CNTN5: variants seen among roughly 807,000 people sequenced by gnomAD.
CNTN5 encodes the protein contactin 5.
Under a neutral mutation model 129.1 loss-of-function variants are expected in CNTN5, and 77 were observed. The observed-to-expected ratio is 0.60, with a 90% CI of 0.50 to 0.72. CNTN5 has a LOEUF of 0.72. Ranked by LOEUF, CNTN5 falls within the 30% of genes least tolerant of loss-of-function variation. The pLI, the probability that CNTN5 is intolerant of heterozygous loss-of-function variation, is 0.00. For synonymous variants in CNTN5, 509 were observed against 465.6 expected (o/e 1.09, Z -1.20); for missense variants, 1,478 against 1,328.8 (o/e 1.11, Z -1.75).
chr11:99,275,034 A>T (rs1863359746), intron 1 of CNTN5, among the ~76,000 whole-genome samples: 1 of 151,512 alleles, frequency 6.6e-6, no homozygotes, highest in African/African-American at 2.4e-5. Flanking sequence ...TATTTAAGAC[A>T]TAACTTGGAC....
In CNTN5 at chr11:99,091,021, C is replaced by CAAAAA. The variant is rs68113369; in HGVS notation, c.-210+69770_-210+69774dup. Among the ~76,000 whole-genome samples the CAAAAA allele has an allele frequency of 6.6e-3, 373 of 56,752 alleles. 35 individuals carry two copies. Among genetic ancestry groups the CAAAAA allele is most frequent in the African/African-American group, 0.014 (195 of 13,638 alleles). The allele number at this position is 56,752 out of a possible 152,430, so 37.2% of individuals were successfully genotyped here. A position where few individuals can be genotyped will look rare whatever the true frequency, so the allele number is the denominator to read the frequency against. On this transcript the variant is annotated intron_variant, in intron 1 of 24. Transcript: ENST00000524871. ...TGGGCGACAGAGCGAGACTCCGTCT[C>CAAAAA]AAAAAAAAAAAAAAAAAAAAAAAGC... is the stretch of plus-strand genomic sequence containing the variant.
chr11:99,055,085 C>G (rs1234062674), intron 1 of CNTN5, among the ~76,000 whole-genome samples: 5 of 152,026 alleles, frequency 3.3e-5, no homozygotes, highest in African/African-American at 1.2e-4. Context: ...GGCTAGGTCC[C>G]TAGAATTTCC....
chr11:99,673,741 C>T (rs754900374), intron 3 of CNTN5, among the ~76,000 whole-genome samples: 22 of 139,836 alleles, frequency 1.6e-4, no homozygotes, highest in Non-Finnish European at 2.8e-4. Context: ...ATAAAGGCTT[C>T]CAGCTCCACC....
In CNTN5 at chr11:100,308,291, C is replaced by A. The variant is rs117462464; in HGVS notation, c.2621-68C>A. 119 of 1,389,632 alleles carry A rather than the reference C, an allele frequency of 8.6e-5. No homozygotes were observed. In the East Asian group the frequency reaches 2.8e-3, roughly 32 times the overall value. 86.1% of individuals were successfully genotyped at this position (1,389,632 alleles called of 1,614,324 possible). A position where few individuals can be genotyped will look rare whatever the true frequency, so the allele number is the denominator to read the frequency against. Reference sequence around the variant, plus strand: ...AAGGTAAGAGGAATTTAACACCTGACAGACTCAGGCGCAATACTTTGATGG... The same window carrying A: ...AAGGTAAGAGGAATTTAACACCTGAAAGACTCAGGCGCAATACTTTGATGG... On this transcript the variant is annotated intron_variant, in intron 20 of 24. Coordinates refer to ENST00000524871, the MANE Select transcript of CNTN5 (RefSeq NM_014361.4).
intron 2 of CNTN5, among the ~76,000 whole-genome samples, chr11:99,363,291 C>A (rs1033117314): frequency 2.0e-5 from 3 of 151,994 alleles, no homozygotes; most frequent in African/African-American, 7.2e-5. Context: ...TTTTACAAGT[C>A]TTTTACTGCT....
At chr11:99,841,818 ATG>A (rs1410535918) in intron 4 of CNTN5, among the ~76,000 whole-genome samples, 10 of 143,576 alleles carry the variant, frequency 7.0e-5, no homozygotes, top group Non-Finnish European at 1.5e-5. Context: ...GTGTGTATAT[ATG>A]TGTGTATATA....
rs573710969 is a variant in CNTN5, at chr11:99,291,182, G to T, written c.-209-34164G>T. Among the ~76,000 whole-genome samples the T allele has an allele frequency of 1.1e-4, 16 of 151,986 alleles. No homozygotes were observed. In the South Asian group the frequency reaches 3.3e-3, roughly 31 times the overall value. ...TTTGTTAAAATGAAAACATTTTCTAGTGAGGCCATATTTGGATAAATACAC... is the reference window on the plus strand; with the variant it reads ...TTTGTTAAAATGAAAACATTTTCTATTGAGGCCATATTTGGATAAATACAC... On this transcript the variant is annotated intron_variant, in intron 1 of 24. Coordinates refer to ENST00000524871, the MANE Select transcript of CNTN5 (RefSeq NM_014361.4).
At chr11:99,987,881 C>T (rs1030947323) in intron 8 of CNTN5, among the ~76,000 whole-genome samples, 1 of 152,086 alleles carries the variant, frequency 6.6e-6, no homozygotes, top group Non-Finnish European at 1.5e-5. Context: ...TAGGGACTAT[C>T]GTATCTACCT....
At chr11:99,791,117 T>C (rs936713044) in intron 3 of CNTN5, among the ~76,000 whole-genome samples, 12 of 152,172 alleles carry the variant, frequency 7.9e-5, no homozygotes, top group Admixed American at 2.6e-4. Flanking sequence ...TGATAGTTTT[T>C]TTTTTTCCTG....
intron 13 of CNTN5, among the ~76,000 whole-genome samples, chr11:100,104,206 T>G (rs538680243): frequency 5.9e-5 from 9 of 151,504 alleles, no homozygotes; most frequent in African/African-American, 2.2e-4. Context: ...GCAATTCTCC[T>G]GCCTCAGCCT....
chr11:100,140,347 G>C (rs1946655613), intron 13 of CNTN5, among the ~76,000 whole-genome samples: 2 of 152,140 alleles, frequency 1.3e-5, no homozygotes, highest in Non-Finnish European at 2.9e-5. Flanking sequence ...TACCAAGTGA[G>C]TATGATAAAT....
At chr11:99,071,262 C>G (rs897100761) in intron 1 of CNTN5, among the ~76,000 whole-genome samples, 6 of 152,078 alleles carry the variant, frequency 3.9e-5, no homozygotes, top group Admixed American at 3.9e-4. Flanking sequence ...TGGCTCCAAA[C>G]AGAGGTTTTT....
chr11:99,249,919 A>T (rs543680152), intron 1 of CNTN5, among the ~76,000 whole-genome samples: 1 of 151,970 alleles, frequency 6.6e-6, no homozygotes, highest in African/African-American at 2.4e-5. Flanking sequence ...CACTACATTT[A>T]GATAGTTTAT....
chr11:99,722,121 C>A (rs1416988912), intron 3 of CNTN5, among the ~76,000 whole-genome samples: 1 of 152,114 alleles, frequency 6.6e-6, no homozygotes, highest in Non-Finnish European at 1.5e-5. Context: ...ATCCAGCAAT[C>A]CCATTACTGA....
chr11:99,534,340 A>G, intron 2 of CNTN5, among the ~76,000 whole-genome samples: 1 of 152,228 alleles, frequency 6.6e-6, no homozygotes. Flanking sequence ...CTGCTTATTG[A>G]TAGTGTCATC....
intron 1 of CNTN5, among the ~76,000 whole-genome samples, chr11:99,033,265 C>A (rs1357593686): frequency 2.6e-5 from 4 of 151,616 alleles, no homozygotes; most frequent in Non-Finnish European, 4.4e-5. Context: ...TTTTTTGGTT[C>A]CATATGAACT....
At chr11:99,187,844 A>C (rs969049098) in intron 1 of CNTN5, among the ~76,000 whole-genome samples, 2 of 151,840 alleles carry the variant, frequency 1.3e-5, no homozygotes, top group East Asian at 3.9e-4. Flanking sequence ...TATTAAATAC[A>C]AAACATCTGA....
At chr11:99,273,037 A>G (rs1008543644) in intron 1 of CNTN5, among the ~76,000 whole-genome samples, 2 of 151,958 alleles carry the variant, frequency 1.3e-5, no homozygotes, top group Admixed American at 6.6e-5. Context: ...ATACAATACA[A>G]ATAACAATGA....
chr11:99,703,969 G>A (rs111970710), intron 3 of CNTN5, among the ~76,000 whole-genome samples: 74 of 151,152 alleles, frequency 4.9e-4, no homozygotes, highest in African/African-American at 1.7e-3. Flanking sequence ...GAAACAAGTT[G>A]TGATGGATTT....
Sources: allele counts gnomAD v4.1 joint callset (sites outside exome capture counted in the v4.1 genomes callset), GRCh38; gene constraint gnomAD v4.1.1; transcripts MANE v1.5; gene names NCBI Gene and HGNC (gene_info 2026-07-23, HGNC 2026-07-21).